The following GTF3C2 variants were observed in gnomAD, a reference collection of about 807,000 sequenced individuals.
GTF3C2 encodes general transcription factor IIIC subunit 2, also known as general transcription factor 3C polypeptide 2.
A neutral mutation model predicts 117.4 loss-of-function variants in GTF3C2; 17 were observed. The observed-to-expected ratio is 0.14, with a 90% CI of 0.10 to 0.22. GTF3C2 has a LOEUF of 0.22. Among genes scored for constraint, GTF3C2 ranks in the 10% least tolerant of loss-of-function variants. The pLI is 1.00. For missense variants in GTF3C2, 888 were observed against 1,143.6 expected, an observed-to-expected ratio of 0.78 and a Z score of 3.22; for synonymous variants, 437 against 427.0, an observed-to-expected ratio of 1.02 and a Z score of -0.29.
chr2:27,336,548 T>C (rs866153796), intron 7 of GTF3C2, 123 bp from the exon 8 acceptor site: 1 of 627,660 alleles, frequency 1.6e-6, no homozygotes, highest in Middle Eastern at 2.6e-4. Flanking sequence ...TCAAAAACAG[T>C]TTACAAGTGA....
At chr2:27,337,311 TCTC>T (rs1558616827) in exon 7 of GTF3C2, 7 of 1,613,242 alleles carry the variant, frequency 4.3e-6, no homozygotes, top group East Asian at 2.2e-5. Context: ...AATGGAGACT[TCTC>T]CTCCTGGGGC....
chr2:27,331,877 C>T (rs1475488662), intron 12 of GTF3C2, among the ~76,000 whole-genome samples: 4 of 151,988 alleles, frequency 2.6e-5, no homozygotes, highest in Non-Finnish European at 4.4e-5. Context: ...AAGTCCAGGA[C>T]GCAGTGAGCC....
intron 12 of GTF3C2, among the ~76,000 whole-genome samples, chr2:27,331,644 A>C (rs1209473640): frequency 6.6e-6 from 1 of 152,084 alleles, no homozygotes; most frequent in Non-Finnish European, 1.5e-5. Flanking sequence ...GTCATTTAAA[A>C]ATAACAATCT....
At chr2:27,336,951 A>C (rs1680503550) in intron 7 of GTF3C2, among the ~76,000 whole-genome samples, 1 of 152,154 alleles carries the variant, frequency 6.6e-6, no homozygotes, top group African/African-American at 2.4e-5. Context: ...AGGGCTGTTC[A>C]TTCTGGCATA....
chr2:27,347,270 T>C (rs1345773397), intron 1 of GTF3C2, among the ~76,000 whole-genome samples: 2 of 152,108 alleles, frequency 1.3e-5, no homozygotes, highest in East Asian at 1.9e-4. Flanking sequence ...GAATAAACAA[T>C]TCATCAGTCT....
At chr2:27,356,310 C>A (rs896405846) in intron 1 of GTF3C2, 6 of 370,748 alleles carry the variant, frequency 1.6e-5, no homozygotes, top group Non-Finnish European at 3.2e-5. Flanking sequence ...AGAGATTGAC[C>A]CACAACCACT....
At chr2:27,336,245 A>C in exon 8 of GTF3C2, 2 of 1,614,142 alleles carry the variant, frequency 1.2e-6, no homozygotes, top group Middle Eastern at 3.3e-4. Context: ...GGAGCAGCCC[A>C]GGACCCGAAT....
chr2:27,326,691 A>C (rs1216990137), exon 19 of GTF3C2: 1 of 1,613,766 alleles, frequency 6.2e-7, no homozygotes, highest in East Asian at 2.2e-5. Context: ...AGTGGGCAGA[A>C]GGCGATGGCT....
exon 3 of GTF3C2, chr2:27,343,145 G>T (rs770645031): frequency 1.3e-6 from 2 of 1,565,360 alleles, no homozygotes; most frequent in Non-Finnish European, 1.7e-6. Flanking sequence ...TCTGAAGAAA[G>T]ATCTGTGGAG....
chr2:27,330,810 A>C (rs1262741933), intron 12 of GTF3C2, among the ~76,000 whole-genome samples: 1 of 152,162 alleles, frequency 6.6e-6, no homozygotes, highest in Non-Finnish European at 1.5e-5. Context: ...AAAATACAAA[A>C]ATTAGCTGGC....
At chr2:27,341,746 T>C in intron 4 of GTF3C2, 1 of 578,028 alleles carries the variant, frequency 1.7e-6, no homozygotes, top group Non-Finnish European at 3.1e-6. Context: ...ACTCAATATA[T>C]GAATGAATAA....
exon 19 of GTF3C2, chr2:27,326,561 G>T: frequency 4.0e-6 from 3 of 755,528 alleles, no homozygotes; most frequent in Non-Finnish European, 6.8e-6. Flanking sequence ...AGGCCTAAAG[G>T]TCCAGGCCTG....
chr2:27,355,312 C>G (rs2148352949), intron 1 of GTF3C2, among the ~76,000 whole-genome samples: 1 of 152,214 alleles, frequency 6.6e-6, no homozygotes, highest in Admixed American at 6.5e-5. Context: ...AACGAGGTCA[C>G]AAGTTCGAGA....
chr2:27,347,700 G>A (rs965026366), intron 1 of GTF3C2, among the ~76,000 whole-genome samples: 5 of 152,316 alleles, frequency 3.3e-5, no homozygotes, highest in East Asian at 1.9e-4. Context: ...AAATCCAAGA[G>A]CTAGGGTTTG....
intron 12 of GTF3C2, among the ~76,000 whole-genome samples, chr2:27,332,851 G>A (rs1304692463): frequency 6.6e-6 from 1 of 151,836 alleles, no homozygotes; most frequent in Non-Finnish European, 1.5e-5. Context: ...CAGTAGTTGG[G>A]ACTACAGGTG....
chr2:27,343,136 C>G (rs1425162391), exon 3 of GTF3C2: 1 of 1,573,628 alleles, frequency 6.4e-7, no homozygotes, highest in Non-Finnish European at 8.6e-7. Context: ...TTTGACATCT[C>G]TGAAGAAAGA....
At chr2:27,345,808 G>A (rs1368853747) in intron 1 of GTF3C2, among the ~76,000 whole-genome samples, 2 of 149,578 alleles carry the variant, frequency 1.3e-5, no homozygotes, top group African/African-American at 2.5e-5. Flanking sequence ...CTGCCTCCCA[G>A]GTTCAAGCAA....
intron 15 of GTF3C2, 65 bp from the exon 16 acceptor site, chr2:27,328,661 T>C: frequency 7.3e-7 from 1 of 1,369,612 alleles, no homozygotes; most frequent in Non-Finnish European, 1.0e-6. Flanking sequence ...TGGTAACAGC[T>C]GCACAGTCTG....
In GTF3C2 at chr2:27,327,577, G is replaced by A. The variant is rs1680127222; in HGVS notation, c.2410-293C>T. On this transcript the variant is annotated intron_variant, in intron 17 of 18. Transcript: ENST00000264720. ...GACCTCAGGTGATCCGCCCACCTCA[G>A]CCTCCCAAAGTGCTAGGATTACAGG... Among the ~76,000 whole-genome samples the A allele has an allele frequency of 5.4e-5, 8 of 149,460 alleles. No individual in the cohort carries two copies. The Admixed American group carries it at 5.4e-4, about 10-fold the overall frequency.
Sources: gnomAD v4.1 joint callset for allele counts (sites outside exome capture counted in the v4.1 genomes callset) on GRCh38, gnomAD v4.1.1 for gene constraint, MANE v1.5 for transcripts, NCBI Gene and HGNC (gene_info 2026-07-23, HGNC 2026-07-21) for gene names.